PRKN: variants seen among roughly 807,000 people sequenced by gnomAD.
PRKN encodes the protein parkin RBR E3 ubiquitin protein ligase, also known as E3 ubiquitin-protein ligase parkin.
PRKN carries 56 observed loss-of-function variants against 59.5 expected under a neutral mutation model. The ratio of observed to expected loss-of-function variants is 0.94; its 90% CI spans 0.76 to 1.18. The LOEUF (loss-of-function observed/expected upper bound fraction) is 1.18. PRKN is among the 50% of genes most tolerant of loss of function. The pLI is 0.00. For missense variants in PRKN, 657 were observed against 596.4 expected, an observed-to-expected ratio of 1.10 and a Z score of -1.06; for synonymous variants, 250 against 222.1, an observed-to-expected ratio of 1.13 and a Z score of -1.12.
chr6:161,987,526 T>A (rs1273696914), intron 5 of PRKN, among the ~76,000 whole-genome samples: 1 of 152,266 alleles, frequency 6.6e-6, no homozygotes, highest in Non-Finnish European at 1.5e-5. Context: ...CACATCCTCC[T>A]GTGTACTCTA....
chr6:161,957,409 G>GTTGTTTTTTT (rs1562418017), intron 6 of PRKN, among the ~76,000 whole-genome samples: 3 of 127,394 alleles, frequency 2.4e-5, no homozygotes, highest in African/African-American at 3.1e-5. Flanking sequence ...TGTTCTTGTT[G>GTTGTTTTTTT]TTTTTTTTTT....
At chr6:161,886,731 A>AAAAAC (rs556154210) in intron 6 of PRKN, among the ~76,000 whole-genome samples, 2 of 70,170 alleles carry the variant, frequency 2.9e-5, no homozygotes, top group East Asian at 1.2e-3. Context: ...AATAACATAA[A>AAAAAC]ATAAAATAAA....
At chr6:161,763,698 G>C (rs1032455924) in intron 7 of PRKN, among the ~76,000 whole-genome samples, 1 of 151,978 alleles carries the variant, frequency 6.6e-6, no homozygotes, top group South Asian at 2.1e-4. Context: ...CCCACAACGT[G>C]CAAAGTGCAA....
chr6:161,975,101 T>G (rs1279609863), intron 5 of PRKN, among the ~76,000 whole-genome samples: 1 of 149,648 alleles, frequency 6.7e-6, no homozygotes, highest in East Asian at 1.9e-4. Context: ...TTTTTTTTTT[T>G]TTTTTTGAGA....
At chr6:161,733,089 T>C (rs567687386) in intron 7 of PRKN, among the ~76,000 whole-genome samples, 3 of 152,330 alleles carry the variant, frequency 2.0e-5, no homozygotes, top group Non-Finnish European at 4.4e-5. Context: ...GAAACACTTA[T>C]TTCATGCTAC....
chr6:162,649,295 A>G (rs1173096433), intron 1 of PRKN, among the ~76,000 whole-genome samples: 1 of 152,246 alleles, frequency 6.6e-6, no homozygotes, highest in Non-Finnish European at 1.5e-5. Context: ...AGTGGTACTA[A>G]GATGACTAGC....
At chr6:161,738,093 C>G (rs1333785710) in intron 7 of PRKN, among the ~76,000 whole-genome samples, 1 of 152,080 alleles carries the variant, frequency 6.6e-6, no homozygotes, top group Non-Finnish European at 1.5e-5. Context: ...AAGTGAGTTT[C>G]AAAAGTAGAT....
chr6:162,500,175 T>C (rs568524133), intron 1 of PRKN, among the ~76,000 whole-genome samples: 35 of 140,386 alleles, frequency 2.5e-4, no homozygotes, highest in South Asian at 1.6e-3. Context: ...TTTTCTTCTT[T>C]TTTTTTTTTT....
At chr6:162,715,553 A>C (rs1463329158) in intron 1 of PRKN, among the ~76,000 whole-genome samples, 2 of 152,202 alleles carry the variant, frequency 1.3e-5, no homozygotes, top group African/African-American at 4.8e-5. Flanking sequence ...CCAAGTGCTT[A>C]ATTTGGCTAC....
intron 2 of PRKN, among the ~76,000 whole-genome samples, chr6:162,264,100 C>A (rs1194614799): frequency 6.6e-6 from 1 of 151,704 alleles, no homozygotes; most frequent in Non-Finnish European, 1.5e-5. Flanking sequence ...ATGGTGAAAC[C>A]CCATCTCTAC....
At chr6:162,602,253 A>C (rs1781741933) in intron 1 of PRKN, among the ~76,000 whole-genome samples, 1 of 152,160 alleles carries the variant, frequency 6.6e-6, no homozygotes, top group South Asian at 2.1e-4. Flanking sequence ...AGAGGGAGAG[A>C]AGAGAGAAGA....
At chr6:161,833,826 T>C (rs780928687) in intron 6 of PRKN, among the ~76,000 whole-genome samples, 1 of 152,170 alleles carries the variant, frequency 6.6e-6, no homozygotes, top group Non-Finnish European at 1.5e-5. Flanking sequence ...TCCTATCCCA[T>C]GGGTCCTGAA....
At position 162,150,663 on chromosome 6, in the gene PRKN, G is replaced by A. The variant is rs1782230453; in HGVS notation, c.534+50468C>T. Among the ~76,000 whole-genome samples the A allele has an allele frequency of 2.0e-5, 3 of 152,038 alleles. No individual in the cohort carries two copies. The South Asian group carries it at 6.2e-4, about 32-fold the overall frequency. On this transcript the variant is annotated intron_variant, in intron 4 of 11. Transcript: ENST00000366898. Reference sequence around the variant, plus strand: ...TTAACCTCTAAATCATTCAAAAGATGTAAAGGAAGAGCAAAACGAACTACA... The same window carrying A: ...TTAACCTCTAAATCATTCAAAAGATATAAAGGAAGAGCAAAACGAACTACA...
chr6:162,302,101 TAA>T (rs1468588875), intron 2 of PRKN, among the ~76,000 whole-genome samples: 1 of 152,168 alleles, frequency 6.6e-6, no homozygotes, highest in East Asian at 1.9e-4. Context: ...CTCCAGCCGA[TAA>T]GCAAGTCTTA....
At chr6:162,593,552 T>A (rs1359627307) in intron 1 of PRKN, among the ~76,000 whole-genome samples, 9 of 152,176 alleles carry the variant, frequency 5.9e-5, no homozygotes, top group African/African-American at 2.2e-4. Flanking sequence ...TTCCACTGGG[T>A]TCAGCAAACA....
At chr6:162,049,311 T>C (rs1777525417) in intron 5 of PRKN, among the ~76,000 whole-genome samples, 1 of 152,054 alleles carries the variant, frequency 6.6e-6, no homozygotes, top group African/African-American at 2.4e-5. Context: ...ATATATAGGG[T>C]CCAAAATACT....
In PRKN at chr6:161,390,778, C is replaced by T. The variant is rs1479332942; in HGVS notation, c.1084-3901G>A. On this transcript the variant is annotated intron_variant, in intron 9 of 11. Coordinates refer to ENST00000366898, the MANE Select transcript of PRKN (RefSeq NM_004562.3). This position sits in a 1 kb window ranked among gnomAD's most constrained non-coding sequence, Gnocchi z 7.0. ...TGCTGGGATTACAGGCATGAGCCAC[C>T]GTGCCTGGCCAAGACGTGATTATTT... 1.3e-5 allele frequency among the ~76,000 whole-genome samples: 2 copies of T among 152,070 alleles called. No individual in the cohort carries two copies. The highest frequency in any genetic ancestry group is 4.8e-5 in the African/African-American group (2 of 41,370).
rs1157029622 is a variant in PRKN, at chr6:161,579,486, T to A, written c.872-10070A>T. ...CCCCTGTTTATAAACTGGAAACTTG[T>A]GTAATTTATATTTGTACCCTATACT... On this transcript the variant is annotated intron_variant, in intron 7 of 11. Transcript: ENST00000366898. The surrounding 1 kb of genome is among the most constrained non-coding windows in gnomAD (Gnocchi z 4.2). Among the ~76,000 whole-genome samples the A allele has an allele frequency of 2.0e-5, 3 of 152,192 alleles. No homozygotes were observed. Among genetic ancestry groups the A allele is most frequent in the Non-Finnish European group, 4.4e-5 (3 of 68,038 alleles).
intron 1 of PRKN, among the ~76,000 whole-genome samples, chr6:162,519,194 A>G (rs1777986746): frequency 6.6e-6 from 1 of 152,140 alleles, no homozygotes; most frequent in African/African-American, 2.4e-5. Flanking sequence ...ACAAAAACCT[A>G]CTGGCAATAA....
Sources: allele counts gnomAD v4.1 joint callset (sites outside exome capture counted in the v4.1 genomes callset), GRCh38; gene constraint gnomAD v4.1.1; non-coding constraint Gnocchi (gnomAD v3.1); transcripts MANE v1.5; gene names NCBI Gene and HGNC (gene_info 2026-07-23, HGNC 2026-07-21).